NACC2: variants seen among roughly 807,000 people sequenced by gnomAD.
The protein encoded by NACC2 is NACC family member 2, also known as nucleus accumbens-associated protein 2.
A neutral mutation model predicts 25.1 loss-of-function variants in NACC2; 8 were observed. The observed-to-expected ratio is 0.32, with a 90% CI of 0.19 to 0.57. The LOEUF (loss-of-function observed/expected upper bound fraction) is 0.57. Ranked by LOEUF, NACC2 falls within the 20% of genes least tolerant of loss-of-function variation. The pLI is 0.89. For missense variants in NACC2, 644 were observed against 650.2 expected (o/e 0.99, Z 0.10); for synonymous variants, 435 against 294.7 (o/e 1.48, Z -4.88).
At chr9:136,062,119 G>GGGCGA (rs1185451251) in intron 1 of NACC2, among the ~76,000 whole-genome samples, 175 of 13,506 alleles carry the variant, frequency 0.013, 2 homozygotes, top group African/African-American at 0.02. Flanking sequence ...GAGCGAGACA[G>GGGCGA]GACAGGACAG....
At chr9:136,042,793 GAC>G (rs1257607178) in intron 2 of NACC2, among the ~76,000 whole-genome samples, 1 of 141,040 alleles carries the variant, frequency 7.1e-6, no homozygotes, top group African/African-American at 2.7e-5. Flanking sequence ...CACACACATA[GAC>G]ACAGTGTTGC....
chr9:136,074,741 C>T (rs1390118464), intron 1 of NACC2, among the ~76,000 whole-genome samples: 1 of 152,040 alleles, frequency 6.6e-6, no homozygotes, highest in Non-Finnish European at 1.5e-5. Flanking sequence ...TTCCGAACGA[C>T]CATCCCCTGT....
At chr9:136,031,448 G>A (rs927667460) in intron 2 of NACC2, among the ~76,000 whole-genome samples, 15 of 151,994 alleles carry the variant, frequency 9.9e-5, no homozygotes, top group African/African-American at 3.1e-4. Context: ...AGCAATTCTC[G>A]TGCTTCAGCC....
intron 3 of NACC2, among the ~76,000 whole-genome samples, chr9:136,014,507 T>C (rs1294097979): frequency 6.6e-6 from 1 of 152,184 alleles, no homozygotes; most frequent in Non-Finnish European, 1.5e-5. Flanking sequence ...CAGACTGGTC[T>C]TGAACACCTG....
chr9:136,074,977 C>T (rs1451478691), intron 1 of NACC2, among the ~76,000 whole-genome samples: 2 of 152,212 alleles, frequency 1.3e-5, no homozygotes, highest in South Asian at 2.1e-4. Context: ...CTCACTGTCG[C>T]GTATGGGGCT....
intron 2 of NACC2, among the ~76,000 whole-genome samples, chr9:136,044,344 G>A (rs2131157273): frequency 6.6e-6 from 1 of 152,290 alleles, no homozygotes; most frequent in Admixed American, 6.5e-5. Flanking sequence ...GCGAGACCCT[G>A]TCTCTATAAA....
At chr9:136,041,278 C>T (rs2131154705) in intron 2 of NACC2, among the ~76,000 whole-genome samples, 1 of 152,110 alleles carries the variant, frequency 6.6e-6, no homozygotes, top group East Asian at 1.9e-4. Flanking sequence ...AAAAAATCAG[C>T]TGCCATGGTG....
chr9:136,013,731 G>A lies in NACC2; in HGVS notation c.1157+133C>T, dbSNP rs565370792. The A allele has an allele frequency of 4.5e-5, 34 of 751,726 alleles. No individual in the cohort carries two copies. Among genetic ancestry groups the A allele is most frequent in the East Asian group, 3.4e-4 (12 of 35,788 alleles). 46.6% of individuals were successfully genotyped at this position (751,726 alleles called of 1,614,324 possible). ...CCTCTCCACCGTCCTGGGGCCGACC[G>A]GCCACGGCTGAAGTCAGGAATGCGA... On this transcript the variant is annotated intron_variant, in intron 4 of 5. Transcript: ENST00000277554. This position sits in a 1 kb window ranked among gnomAD's most constrained non-coding sequence, Gnocchi z 6.6.
chr9:136,031,360 T>TTCATTCATTCTG (rs1840469842), intron 2 of NACC2, among the ~76,000 whole-genome samples: 1 of 151,146 alleles, frequency 6.6e-6, no homozygotes, highest in Non-Finnish European at 1.5e-5. Context: ...CATTCTGAGA[T>TTCATTCATTCTG]AGAGTCTTGC....
At chr9:136,076,506 G>T (rs1011731546) in intron 1 of NACC2, among the ~76,000 whole-genome samples, 2 of 152,182 alleles carry the variant, frequency 1.3e-5, no homozygotes, top group Admixed American at 1.3e-4. Context: ...TTCAGAGACA[G>T]GAAGCAGAAC....
At chr9:136,023,926 T>C (rs993454662) in intron 2 of NACC2, among the ~76,000 whole-genome samples, 4 of 152,220 alleles carry the variant, frequency 2.6e-5, no homozygotes, top group African/African-American at 9.6e-5. Context: ...CATACACACG[T>C]GCATGCCCCC....
chr9:136,023,954 A>C (rs1420880775), intron 2 of NACC2, among the ~76,000 whole-genome samples: 2 of 150,610 alleles, frequency 1.3e-5, no homozygotes, highest in African/African-American at 2.4e-5. Flanking sequence ...CAAATGCACA[A>C]CCCCCCCCAC....
intron 1 of NACC2, among the ~76,000 whole-genome samples, chr9:136,081,489 G>A (rs920403687): frequency 1.1e-4 from 16 of 152,370 alleles, no homozygotes; most frequent in Admixed American, 5.9e-4. Context: ...GGTGCCGGGC[G>A]TCCGCTTCCA....
intron 2 of NACC2, among the ~76,000 whole-genome samples, chr9:136,017,879 C>A (rs1436107865): frequency 6.6e-6 from 1 of 152,234 alleles, no homozygotes; most frequent in African/African-American, 2.4e-5. Flanking sequence ...GCCCCAAGGC[C>A]CAGCCTCCAC....
chr9:136,077,785 T>C (rs1564241366), intron 1 of NACC2, among the ~76,000 whole-genome samples: 1 of 152,196 alleles, frequency 6.6e-6, no homozygotes, highest in Non-Finnish European at 1.5e-5. Flanking sequence ...TTAAAATTAT[T>C]TATAAAGTAA....
rs1282331977 is a variant in NACC2, at chr9:136,018,650, C to T, written c.887-2221G>A. Among the ~76,000 whole-genome samples the T allele has an allele frequency of 6.6e-6, 1 of 151,972 alleles. No individual in the cohort carries two copies. The highest frequency in any genetic ancestry group is 6.6e-5 in the Admixed American group (1 of 15,260). ...AACAGAACAGAGGCCAGAAAGGGGG[C>T]CTCAAAGGTGGGTGCACAGCCCCTG... is the stretch of plus-strand genomic sequence containing the variant. On this transcript the variant is annotated intron_variant, in intron 2 of 5. Coordinates refer to ENST00000277554, the MANE Select transcript of NACC2 (RefSeq NM_144653.5). This position sits in a 1 kb window ranked among gnomAD's most constrained non-coding sequence, Gnocchi z 4.4.
chr9:136,050,562 C>G lies in NACC2; in HGVS notation c.-41G>C. 1 of 733,188 alleles carries G rather than the reference C, an allele frequency of 1.4e-6. No individual in the cohort carries two copies. Among genetic ancestry groups the G allele is most frequent in the Non-Finnish European group, 2.5e-6 (1 of 403,570 alleles). The allele number at this position is 733,188 out of a possible 1,614,324, so 45.4% of individuals were successfully genotyped here. A position where few individuals can be genotyped will look rare whatever the true frequency, so the allele number is the denominator to read the frequency against. ...GCGGGGCTGGGCTCTCAGCGCGGGGCGGCCCTAGCGGGGCTCATCTGTGGG... is the reference window on the plus strand; with the variant it reads ...GCGGGGCTGGGCTCTCAGCGCGGGGGGGCCCTAGCGGGGCTCATCTGTGGG... On this transcript the variant is annotated 5_prime_UTR_variant, in exon 2 of 6. Coordinates refer to ENST00000277554, the MANE Select transcript of NACC2 (RefSeq NM_144653.5).
At chr9:136,048,387 G>T (rs1840760468) in intron 2 of NACC2, among the ~76,000 whole-genome samples, 1 of 152,220 alleles carries the variant, frequency 6.6e-6, no homozygotes, top group Non-Finnish European at 1.5e-5. Context: ...GTGAGCCGGA[G>T]CCCGGTGTGC....
At chr9:136,087,885 T>C (rs1214265760) in intron 1 of NACC2, among the ~76,000 whole-genome samples, 1 of 152,096 alleles carries the variant, frequency 6.6e-6, no homozygotes, top group Non-Finnish European at 1.5e-5. Flanking sequence ...CCCCGTCCCT[T>C]GTCTGCTGCC....
Sources: gnomAD v4.1 joint callset for allele counts (sites outside exome capture counted in the v4.1 genomes callset) on GRCh38, gnomAD v4.1.1 for gene constraint, Gnocchi (gnomAD v3.1) non-coding constraint, MANE v1.5 for transcripts, NCBI Gene and HGNC (gene_info 2026-07-23, HGNC 2026-07-21) for gene names.